The following CSDE1 variants were observed in gnomAD, a reference collection of about 807,000 sequenced individuals.
The protein encoded by CSDE1 is cold shock domain-containing protein E1.
A neutral mutation model predicts 89.3 loss-of-function variants in CSDE1; 17 were observed. The ratio of observed to expected loss-of-function variants is 0.19; its 90% CI spans 0.13 to 0.29. The LOEUF (loss-of-function observed/expected upper bound fraction) is 0.29, where lower values mean the gene tolerates loss of function less well. Ranked by LOEUF, CSDE1 falls within the 10% of genes least tolerant of loss-of-function variation. The pLI, the probability that CSDE1 is intolerant of heterozygous loss-of-function variation, is 1.00. For synonymous variants in CSDE1, 322 were observed against 332.8 expected, an observed-to-expected ratio of 0.97 and a Z score of 0.35; for missense variants, 672 against 984.2, an observed-to-expected ratio of 0.68 and a Z score of 4.24.
intron 2 of CSDE1, among the ~76,000 whole-genome samples, chr1:114,749,216 A>G (rs1183474340): frequency 1.3e-5 from 2 of 152,130 alleles, no homozygotes; most frequent in Non-Finnish European, 2.9e-5. Context: ...TATATTCTTA[A>G]TATTTTATTA....
chr1:114,736,470 C>T (rs916985731), intron 6 of CSDE1, among the ~76,000 whole-genome samples: 2 of 151,886 alleles, frequency 1.3e-5, no homozygotes, highest in Non-Finnish European at 2.9e-5. Context: ...GTGACTATAC[C>T]CCTCCCTCAA....
chr1:114,720,385 TTTA>T, intron 17 of CSDE1, 151 bp downstream of exon 17: 2 of 705,180 alleles, frequency 2.8e-6, no homozygotes, highest in Non-Finnish European at 4.5e-6. Context: ...GTTTTCTGTT[TTTA>T]TTAAGCTACC....
intron 7 of CSDE1, 25 bp downstream of exon 7, chr1:114,734,417 C>G: frequency 6.2e-7 from 1 of 1,600,686 alleles, no homozygotes; most frequent in Non-Finnish European, 8.5e-7. Context: ...AAAGAAAACT[C>G]AAGTTTCTCA....
intron 2 of CSDE1, among the ~76,000 whole-genome samples, chr1:114,743,017 G>T (rs1660815745): frequency 6.6e-6 from 1 of 152,080 alleles, no homozygotes; most frequent in South Asian, 2.1e-4. Flanking sequence ...TACACAATTT[G>T]TAAACATATA....
intron 15 of CSDE1, among the ~76,000 whole-genome samples, chr1:114,724,535 C>T (rs559270791): frequency 1.9e-4 from 29 of 152,172 alleles, no homozygotes; most frequent in African/African-American, 7.0e-4. Context: ...ATAACACACA[C>T]TTAAGAGTTC....
At chr1:114,741,644 C>T in intron 2 of CSDE1, 1 of 1,546,206 alleles carries the variant, frequency 6.5e-7, no homozygotes, top group Non-Finnish European at 8.7e-7. Context: ...GATCTGATGA[C>T]ACAGTAAAAA....
At chr1:114,727,924 C>T (rs1289147978) in intron 12 of CSDE1, 1 of 152,186 alleles carries the variant, frequency 6.6e-6, no homozygotes, top group Non-Finnish European at 1.5e-5. Context: ...TTTATGGTTT[C>T]AACATTTCTA....
intron 12 of CSDE1, 32 bp downstream of exon 12, chr1:114,730,226 T>C: frequency 6.2e-7 from 1 of 1,604,634 alleles, no homozygotes; most frequent in African/African-American, 1.3e-5. Context: ...AATAAACAGC[T>C]ACAAAAATCA....
At chr1:114,723,485 G>C (rs1266694073) in intron 16 of CSDE1, among the ~76,000 whole-genome samples, 2 of 151,826 alleles carry the variant, frequency 1.3e-5, no homozygotes, top group Non-Finnish European at 2.9e-5. Context: ...TAGTGTAGGG[G>C]GGAAAAAAAC....
intron 2 of CSDE1, among the ~76,000 whole-genome samples, chr1:114,744,942 T>C (rs909516308): frequency 1.3e-5 from 2 of 152,112 alleles, no homozygotes; most frequent in African/African-American, 4.8e-5. Flanking sequence ...AGTGAGCAAA[T>C]AAATCATTCT....
chr1:114,719,948 T>G (rs1659419190), intron 17 of CSDE1, among the ~76,000 whole-genome samples: 1 of 152,226 alleles, frequency 6.6e-6, no homozygotes, highest in African/African-American at 2.4e-5. Context: ...ACCAAACAAA[T>G]AAAACTTGCC....
rs370431120 is a variant in CSDE1 at position 114,730,689 on chromosome 1, C to G, written c.1051-41G>C. The G allele has an allele frequency of 4.9e-5, 78 of 1,605,774 alleles. No homozygotes were observed. In the African/African-American group the frequency reaches 9.3e-4, roughly 19 times the overall value. ...TATTTTCACTGGCTGTGAAACTTGT[C>G]AAGAAGGCAACATTCAACTTTACAA... On this transcript the variant is annotated intron_variant, in intron 10 of 19. Coordinates refer to ENST00000358528, the MANE Select transcript of CSDE1 (RefSeq NM_001007553.3).
Position 114,725,222 on chromosome 1 carries a change from T to A in CSDE1, c.1752A>T (p.Ser584=), listed in dbSNP as rs1557991679. 1.2e-6 allele frequency: 2 copies of A among 1,612,818 alleles called. No individual in the cohort carries two copies. Among genetic ancestry groups the A allele is most frequent in the Non-Finnish European group, 1.7e-6 (2 of 1,178,746 alleles). ...GAATAAGAAGTCACAATTTATTACC[T>A]GAGTGTGTTTTGTTCACTTTTTCTG... ...VSAEKVNKTH[S]VNGITEEADP... Residue 584 remains serine (S), a splice_region_variant and synonymous_variant, in exon 15 of 20, where the codon TCA becomes TCT. Transcript: ENST00000358528.
chr1:114,728,529 G>C (rs1659922267), intron 12 of CSDE1, among the ~76,000 whole-genome samples: 1 of 151,166 alleles, frequency 6.6e-6, no homozygotes, highest in Non-Finnish European at 1.5e-5. Context: ...GTTGGACTAA[G>C]AAAGAAAAAA....
At chr1:114,743,930 G>A (rs1363112059) in intron 2 of CSDE1, among the ~76,000 whole-genome samples, 4 of 152,174 alleles carry the variant, frequency 2.6e-5, no homozygotes, top group African/African-American at 9.7e-5. Flanking sequence ...CTTTAGATAA[G>A]TTGATGTGAC....
intron 12 of CSDE1, among the ~76,000 whole-genome samples, chr1:114,728,482 G>GT (rs1284014000): frequency 1.3e-5 from 2 of 152,030 alleles, no homozygotes; most frequent in South Asian, 2.1e-4. Flanking sequence ...GTTATATACT[G>GT]TAAGAAGCAT....
At chr1:114,720,342 T>C in intron 17 of CSDE1, 197 bp downstream of exon 17, 2 of 524,684 alleles carry the variant, frequency 3.8e-6, no homozygotes, top group Admixed American at 3.6e-5. Flanking sequence ...CCAATCTTAC[T>C]TTCTCATTGC....
Position 114,730,561 on chromosome 1 carries a change from G to A in CSDE1, c.1138C>T (p.Leu380=), listed in dbSNP as rs1440704950. 1 of 1,613,956 alleles carries A rather than the reference G, an allele frequency of 6.2e-7. No homozygotes were observed. The highest frequency in any genetic ancestry group is 1.7e-5 in the Admixed American group (1 of 59,998). Residue 380 remains leucine (L), a synonymous_variant, in exon 11 of 20, where the codon CTG becomes TTG. Transcript: ENST00000358528. ...VRMFFHFSEI[L]DGNQLHIADE... is the part of the protein sequence containing the mutation. ...GCAATATGGAGCTGGTTCCCATCCA[G>A]AATTTCACTGAAGTGGAAGAACATA...
chr1:114,721,108 A>G (rs979652537), intron 16 of CSDE1, among the ~76,000 whole-genome samples: 4 of 152,244 alleles, frequency 2.6e-5, no homozygotes, highest in Non-Finnish European at 4.4e-5. Flanking sequence ...CCCATACTCA[A>G]TGAGCCAGTA....
Sources: gnomAD v4.1 joint callset for allele counts (sites outside exome capture counted in the v4.1 genomes callset) on GRCh38, gnomAD v4.1.1 for gene constraint, MANE v1.5 for transcripts, NCBI Gene and HGNC (gene_info 2026-07-23, HGNC 2026-07-21) for gene names.